Variants in ACTL6A observed in about 807,000 individuals in gnomAD.
ACTL6A encodes the protein actin like 6A.
In ACTL6A, 5 loss-of-function variants were observed where a neutral mutation model predicts 59.2. That is an observed-to-expected ratio of 0.08 (90% CI 0.04 to 0.18). The LOEUF (loss-of-function observed/expected upper bound fraction) is 0.18. Ranked by LOEUF, ACTL6A falls within the 10% of genes least tolerant of loss-of-function variation. The pLI, the probability that ACTL6A is intolerant of heterozygous loss-of-function variation, is 1.00. For synonymous variants in ACTL6A, 154 were observed against 171.8 expected, an observed-to-expected ratio of 0.90 and a Z score of 0.81; for missense variants, 285 against 526.9, an observed-to-expected ratio of 0.54 and a Z score of 4.49.
intron 1 of ACTL6A, among the ~76,000 whole-genome samples, chr3:179,566,048 G>C (rs1029078253): frequency 2.6e-5 from 4 of 152,214 alleles, no homozygotes; most frequent in African/African-American, 9.7e-5. Context: ...GAACTTGAAA[G>C]ATGGAGGTGT....
chr3:179,581,268 T>C lies in ACTL6A; in HGVS notation c.1026+48T>C, dbSNP rs561151282. The C allele has an allele frequency of 5.6e-6, 8 of 1,424,860 alleles. No homozygotes were observed. The African/African-American group carries it at 9.8e-5, about 17-fold the overall frequency. The allele number at this position is 1,424,860 out of a possible 1,614,324, so 88.3% of individuals were successfully genotyped here. A position where few individuals can be genotyped will look rare whatever the true frequency, so the allele number is the denominator to read the frequency against. Reference sequence around the variant, plus strand: ...GGTTTAAAGGTATCTTTTAGGGGACTGAAATGTCCCCAAATCATTGTTAGG... The same window carrying C: ...GGTTTAAAGGTATCTTTTAGGGGACCGAAATGTCCCCAAATCATTGTTAGG... On this transcript the variant is annotated intron_variant, in intron 11 of 13. Coordinates refer to ENST00000429709, the MANE Select transcript of ACTL6A (RefSeq NM_004301.5).
chr3:179,571,280 GGT>G (rs796619990), intron 3 of ACTL6A, among the ~76,000 whole-genome samples: 18 of 152,106 alleles, frequency 1.2e-4, no homozygotes, highest in African/African-American at 4.3e-4. Flanking sequence ...AAATTTGACA[GGT>G]GTGGTGATGC....
intron 5 of ACTL6A, chr3:179,575,442 A>G (rs763917261): frequency 4.2e-5 from 19 of 456,608 alleles, no homozygotes; most frequent in South Asian, 2.6e-4. Context: ...GATAACCTTC[A>G]GGGAAAAGGC....
At chr3:179,581,369 G>T in intron 11 of ACTL6A, 149 bp downstream of exon 11, 2 of 669,452 alleles carry the variant, frequency 3.0e-6, no homozygotes, top group Non-Finnish European at 5.1e-6. Context: ...AAAAGATGAA[G>T]TACTAGAAAA....
At chr3:179,583,188 A>G (rs1718385634) in intron 11 of ACTL6A, 165 bp from the exon 12 acceptor site, 1 of 475,866 alleles carries the variant, frequency 2.1e-6, no homozygotes, top group African/African-American at 2.0e-5. Context: ...ATGTACAGCC[A>G]GGATGGAGAA....
At chr3:179,586,834 A>G (rs1489899447) in intron 13 of ACTL6A, 1 of 519,024 alleles carries the variant, frequency 1.9e-6, no homozygotes, top group South Asian at 2.6e-5. Flanking sequence ...TTGTCAGCCT[A>G]ATTTCAATGT....
chr3:179,586,696 C>G (rs1718503175), intron 13 of ACTL6A, 64 bp downstream of exon 13: 1 of 1,304,642 alleles, frequency 7.7e-7, no homozygotes, highest in Non-Finnish European at 1.1e-6. Flanking sequence ...AGTAAAAATA[C>G]AAAAAATAAT....
At chr3:179,564,835 C>G (rs1222664918) in intron 1 of ACTL6A, among the ~76,000 whole-genome samples, 1 of 150,184 alleles carries the variant, frequency 6.7e-6, no homozygotes. Flanking sequence ...TTCACTGATT[C>G]TTCGTTGTAC....
Position 179,570,263 on chromosome 3 carries a change from A to G in ACTL6A, c.277+22A>G. On this transcript the variant is annotated intron_variant, in intron 3 of 13. Transcript: ENST00000429709. The surrounding 1 kb of genome is among the most constrained non-coding windows in gnomAD (Gnocchi z 4.3). ...ATGGGTATGATGTTTTCCCCATGGAATTGATTATGGAGTGTACATGTTATA... is the reference window on the plus strand; with the variant it reads ...ATGGGTATGATGTTTTCCCCATGGAGTTGATTATGGAGTGTACATGTTATA... 1 of 1,600,174 alleles carries G rather than the reference A, an allele frequency of 6.2e-7. No individual in the cohort carries two copies. The highest frequency in any genetic ancestry group is 8.5e-7 in the Non-Finnish European group (1 of 1,171,192).
chr3:179,570,033 T>G lies in ACTL6A; in HGVS notation c.103-34T>G, dbSNP rs935316536. The stretch of plus-strand genomic sequence containing the variant: ...GAAAAAATGCCTTCTTGATGAAAGG[T>G]GAAACTTGTATGTCATGTTTCTGAC... On this transcript the variant is annotated intron_variant, in intron 2 of 13. Coordinates refer to ENST00000429709, the MANE Select transcript of ACTL6A (RefSeq NM_004301.5). This position sits in a 1 kb window ranked among gnomAD's most constrained non-coding sequence, Gnocchi z 4.3. The G allele has an allele frequency of 6.3e-7, 1 of 1,599,458 alleles. No homozygotes were observed. The highest frequency in any genetic ancestry group is 8.5e-7 in the Non-Finnish European group (1 of 1,173,074).
intron 1 of ACTL6A, among the ~76,000 whole-genome samples, chr3:179,566,713 T>C (rs562622869): frequency 1.3e-5 from 2 of 152,264 alleles, no homozygotes; most frequent in Non-Finnish European, 2.9e-5. Flanking sequence ...TTTTTGAGAC[T>C]GAGACTTGCT....
chr3:179,576,738 T>C lies in ACTL6A; in HGVS notation c.678+12T>C, dbSNP rs376110770. 4.5e-5 allele frequency: 72 copies of C among 1,609,830 alleles called. No homozygotes were observed. Among genetic ancestry groups the C allele is most frequent in the Non-Finnish European group, 5.4e-5 (63 of 1,176,220 alleles). ...TGATTGCATCAAAAGTAAGTAATTATTGAATTTTCTTTGTAGAACTTACTT... is the reference window on the plus strand; with the variant it reads ...TGATTGCATCAAAAGTAAGTAATTACTGAATTTTCTTTGTAGAACTTACTT... On this transcript the variant is annotated intron_variant, in intron 7 of 13. Transcript: ENST00000429709.
At position 179,583,448 on chromosome 3, in the gene ACTL6A, A is replaced by G. The variant is rs1718392779; in HGVS notation, c.1122A>G (p.Pro374=). 8 of 1,607,712 alleles carry G rather than the reference A, an allele frequency of 5.0e-6. No homozygotes were observed. The highest frequency in any genetic ancestry group is 6.8e-6 in the Non-Finnish European group (8 of 1,174,872). ...GAGAGCTGTCTCAGAAAACTCCTCC[A>G]GTAAGTTCTGTTTGTTCTTTAATGG... ...LNRELSQKTP[P]SMRLKLIANN... is the part of the protein sequence containing the mutation. The change falls in exon 12 of 14, where the codon CCA becomes CCG. Residue 374 remains proline (P), a splice_region_variant and synonymous_variant. Coordinates refer to ENST00000429709, the MANE Select transcript of ACTL6A (RefSeq NM_004301.5).
chr3:179,580,482 C>CA (rs1195450597), intron 8 of ACTL6A, among the ~76,000 whole-genome samples, 158 bp from the exon 9 acceptor site: 1 of 152,204 alleles, frequency 6.6e-6, no homozygotes, highest in East Asian at 1.9e-4. Flanking sequence ...TCTTGATACT[C>CA]AGAATCCTTG....
chr3:179,567,587 T>A (rs140084974), intron 1 of ACTL6A, among the ~76,000 whole-genome samples: 48 of 152,314 alleles, frequency 3.2e-4, no homozygotes, highest in African/African-American at 1.2e-3. Context: ...AATTTTTGGT[T>A]AACTATACAA....
intron 4 of ACTL6A, 86 bp downstream of exon 4, chr3:179,573,555 G>A: frequency 2.2e-6 from 2 of 894,768 alleles, no homozygotes; most frequent in South Asian, 2.0e-5. Context: ...CTCATTTGAT[G>A]AACATTTTTC....
intron 1 of ACTL6A, among the ~76,000 whole-genome samples, chr3:179,564,020 A>C (rs1419457455): frequency 6.6e-6 from 1 of 152,190 alleles, no homozygotes; most frequent in South Asian, 2.1e-4. Context: ...GGTTAAATGA[A>C]ATAATGCTGC....
At chr3:179,586,518 T>C in intron 12 of ACTL6A, 28 bp from the exon 13 acceptor site, 1 of 1,442,206 alleles carries the variant, frequency 6.9e-7, no homozygotes, top group Non-Finnish European at 9.3e-7. Context: ...AAGATTTGAT[T>C]GTACTAATGC....
intron 1 of ACTL6A, among the ~76,000 whole-genome samples, chr3:179,564,578 G>A (rs1371640037): frequency 6.6e-6 from 1 of 152,094 alleles, no homozygotes; most frequent in African/African-American, 2.4e-5. Context: ...CAGGGTACAG[G>A]AATTAGATGT....
Sources: allele counts gnomAD v4.1 joint callset (sites outside exome capture counted in the v4.1 genomes callset), GRCh38; gene constraint gnomAD v4.1.1; non-coding constraint Gnocchi (gnomAD v3.1); transcripts MANE v1.5; gene names NCBI Gene and HGNC (gene_info 2026-07-23, HGNC 2026-07-21).